The following PIK3C2G variants were observed in gnomAD, a reference collection of about 807,000 sequenced individuals.
PIK3C2G encodes phosphatidylinositol 3-kinase C2 domain-containing subunit gamma.
A neutral mutation model predicts 181.1 loss-of-function variants in PIK3C2G; 168 were observed. The observed-to-expected ratio is 0.93, with a 90% CI of 0.82 to 1.05. The LOEUF is 1.05. PIK3C2G is among the 50% of genes least tolerant of loss of function. PIK3C2G has a pLI of 0.00. For missense variants in PIK3C2G, 1,869 were observed against 1,732.8 expected (o/e 1.08, Z -1.40); for synonymous variants, 573 against 592.2 (o/e 0.97, Z 0.47).
At chr12:18,282,846 T>C (rs1396338472) in intron 2 of PIK3C2G, 87 bp downstream of exon 2, 3 of 892,742 alleles carry the variant, frequency 3.4e-6, no homozygotes, top group Non-Finnish European at 4.9e-6. Flanking sequence ...TGAAGATAAC[T>C]AAACTTAAAT....
chr12:18,442,475 A>G (rs1254140398), intron 18 of PIK3C2G, among the ~76,000 whole-genome samples: 1 of 152,202 alleles, frequency 6.6e-6, no homozygotes, highest in East Asian at 1.9e-4. Flanking sequence ...GGAAAGAAAA[A>G]TAAAAATATC....
intron 13 of PIK3C2G, among the ~76,000 whole-genome samples, chr12:18,379,595 G>C (rs1407876448): frequency 6.6e-6 from 1 of 152,190 alleles, no homozygotes; most frequent in Non-Finnish European, 1.5e-5. Flanking sequence ...TATAAGAAAA[G>C]GAGAAAACAA....
At chr12:18,527,040 G>T (rs1278344954) in intron 24 of PIK3C2G, among the ~76,000 whole-genome samples, 1 of 152,118 alleles carries the variant, frequency 6.6e-6, no homozygotes, top group African/African-American at 2.4e-5. Context: ...AAAAATGTTT[G>T]TGAGAGAGAT....
At chr12:18,347,109 G>C (rs1019401027) in intron 11 of PIK3C2G, among the ~76,000 whole-genome samples, 1 of 151,756 alleles carries the variant, frequency 6.6e-6, no homozygotes, top group South Asian at 2.1e-4. Flanking sequence ...CCATTTAGTG[G>C]CTCCTCTAAA....
chr12:18,403,898 T>C (rs550427819), intron 16 of PIK3C2G, among the ~76,000 whole-genome samples: 1 of 152,186 alleles, frequency 6.6e-6, no homozygotes, highest in Admixed American at 6.6e-5. Flanking sequence ...ACTATTCAAC[T>C]GCTAATAACA....
At chr12:18,270,762 G>T (rs1204143684) in intron 1 of PIK3C2G, among the ~76,000 whole-genome samples, 1 of 151,982 alleles carries the variant, frequency 6.6e-6, no homozygotes, top group Non-Finnish European at 1.5e-5. Context: ...ACTTTGACAT[G>T]CCTGAAGTTG....
At chr12:18,311,530 G>GGTGT (rs150381184) in intron 5 of PIK3C2G, among the ~76,000 whole-genome samples, 7,580 of 148,720 alleles carry the variant, frequency 0.051, 245 homozygotes, top group Non-Finnish European at 0.069. Context: ...GGTATAAAGG[G>GGTGT]GTGTGTGTGT....
intron 25 of PIK3C2G, among the ~76,000 whole-genome samples, chr12:18,545,123 T>C (rs989900034): frequency 1.3e-5 from 2 of 151,866 alleles, no homozygotes; most frequent in Non-Finnish European, 2.9e-5. Flanking sequence ...TGCCAGAATG[T>C]CTTATCCTAC....
chr12:18,546,790 C>G (rs1387617552), intron 26 of PIK3C2G, among the ~76,000 whole-genome samples: 2 of 151,984 alleles, frequency 1.3e-5, no homozygotes, highest in Non-Finnish European at 2.9e-5. Flanking sequence ...TATGTACTCA[C>G]TACTTTCCTA....
chr12:18,362,149 T>A (rs190133106), intron 11 of PIK3C2G, among the ~76,000 whole-genome samples: 847 of 152,172 alleles, frequency 5.6e-3, no homozygotes, highest in Non-Finnish European at 1.0e-2. Context: ...TGGGTTTTTT[T>A]AAAAAAATCA....
At chr12:18,313,766 TATTC>T in intron 5 of PIK3C2G, among the ~76,000 whole-genome samples, 192 bp from the exon 6 acceptor site, 1 of 151,830 alleles carries the variant, frequency 6.6e-6, no homozygotes, top group South Asian at 2.1e-4. Context: ...CCTGTCATAT[TATTC>T]ATTTATACAC....
intron 5 of PIK3C2G, among the ~76,000 whole-genome samples, chr12:18,300,380 T>C (rs1482685667): frequency 1.3e-5 from 2 of 151,976 alleles, no homozygotes; most frequent in Non-Finnish European, 2.9e-5. Flanking sequence ...CAAACCTTAG[T>C]TGTCTCTTTT....
chr12:18,538,021 A>G (rs918831039), intron 24 of PIK3C2G, 135 bp from the exon 25 acceptor site: 5 of 731,888 alleles, frequency 6.8e-6, no homozygotes, highest in Non-Finnish European at 8.9e-6. Flanking sequence ...CTGCCTCACA[A>G]TGAAGGAAAT....
At chr12:18,590,179 G>A (rs756660707) in intron 29 of PIK3C2G, among the ~76,000 whole-genome samples, 3 of 149,170 alleles carry the variant, frequency 2.0e-5, no homozygotes, top group Admixed American at 6.7e-5. Context: ...GAAAAGAAAC[G>A]TTCTTCATAA....
intron 24 of PIK3C2G, among the ~76,000 whole-genome samples, chr12:18,527,145 G>A (rs531750038): frequency 6.6e-6 from 1 of 152,212 alleles, no homozygotes; most frequent in Admixed American, 6.5e-5. Flanking sequence ...AACAAAGCAA[G>A]CATAAGATGG....
At chr12:18,516,815 T>C (rs1409816247) in intron 24 of PIK3C2G, among the ~76,000 whole-genome samples, 1 of 151,964 alleles carries the variant, frequency 6.6e-6, no homozygotes, top group Non-Finnish European at 1.5e-5. Context: ...TGGTTTTTCA[T>C]TAAATTGTTC....
In PIK3C2G at chr12:18,607,187, G is replaced by T. The variant is rs77450190; in HGVS notation, c.4088-2348G>T. ...AATTAAGCTTTGAAGAAAGGTAGAA[G>T]TTCAATAGACAAAAATGGTTAACAA... is the stretch of plus-strand genomic sequence containing the variant. On this transcript the variant is annotated intron_variant, in intron 30 of 32. Transcript: ENST00000538779. 4.9e-3 allele frequency: 2,513 copies of T among 515,620 alleles called. 57 individuals carry two copies. Among genetic ancestry groups the T allele is most frequent in the African/African-American group, 0.043 (2,206 of 51,872 alleles). The allele number at this position is 515,620 out of a possible 1,614,324, so 31.9% of individuals were successfully genotyped here. A position where few individuals can be genotyped will look rare whatever the true frequency, so the allele number is the denominator to read the frequency against.
chr12:18,400,675 T>C (rs1944198887), intron 16 of PIK3C2G, among the ~76,000 whole-genome samples: 1 of 152,096 alleles, frequency 6.6e-6, no homozygotes, highest in African/African-American at 2.4e-5. Flanking sequence ...CCAATGAGTG[T>C]CCTTCAGAAA....
chr12:18,640,536 C>A lies in PIK3C2G; in HGVS notation c.4290C>A (p.Asp1430Glu). The A allele has an allele frequency of 6.3e-7, 1 of 1,599,366 alleles. No individual in the cohort carries two copies. The highest frequency in any genetic ancestry group is 1.3e-5 in the African/African-American group (1 of 74,826). Reference protein sequence around the residue: ...RKTKSVPKCTDPTYNEIVVYD... With the variant: ...RKTKSVPKCTEPTYNEIVVYD... ...CAAAATCTGTTCCAAAATGTACGGACCCCACTTACAATGAAATTGTAAGTA... is the reference window on the plus strand; with the variant it reads ...CAAAATCTGTTCCAAAATGTACGGAACCCACTTACAATGAAATTGTAAGTA... The change falls in exon 32 of 33, where the codon GAC becomes GAA. Residue 1430 changes from aspartate (D) to glutamate (E), a missense_variant. By Grantham distance (45) the Asp-to-Glu change is conservative. Transcript: ENST00000538779.
Sources: allele counts gnomAD v4.1 joint callset (sites outside exome capture counted in the v4.1 genomes callset), GRCh38; gene constraint gnomAD v4.1.1; transcripts MANE v1.5; gene names NCBI Gene and HGNC (gene_info 2026-07-23, HGNC 2026-07-21).